The following RANBP9 variants were observed in gnomAD, a reference collection of about 807,000 sequenced individuals.
RANBP9 encodes the protein RAN binding protein 9.
In RANBP9, 15 loss-of-function variants were observed where a neutral mutation model predicts 84.3. The ratio of observed to expected loss-of-function variants is 0.18; its 90% confidence interval spans 0.12 to 0.27. The LOEUF (loss-of-function observed/expected upper bound fraction) is 0.27. Among genes scored for constraint, RANBP9 ranks in the 10% least tolerant of loss-of-function variants. The pLI is 1.00. For synonymous variants in RANBP9, 392 were observed against 349.6 expected (o/e 1.12, Z -1.35); for missense variants, 809 against 912.8 (o/e 0.89, Z 1.46).
At chr6:13,656,154 G>GA (rs1765395357) in intron 4 of RANBP9, among the ~76,000 whole-genome samples, 2 of 152,082 alleles carry the variant, frequency 1.3e-5, no homozygotes, top group South Asian at 4.1e-4. Flanking sequence ...TGAAATAACA[G>GA]AAAAAACAGC....
chr6:13,705,537 G>T (rs1183872979), intron 1 of RANBP9, among the ~76,000 whole-genome samples: 1 of 149,616 alleles, frequency 6.7e-6, no homozygotes, highest in Non-Finnish European at 1.5e-5. Flanking sequence ...CCAAAATCTT[G>T]GCAAGTAATT....
intron 5 of RANBP9, among the ~76,000 whole-genome samples, chr6:13,649,516 T>G (rs1765247846): frequency 6.7e-6 from 1 of 149,852 alleles, no homozygotes; most frequent in Admixed American, 6.6e-5. Context: ...CAAATGAAAC[T>G]TACAGCATTC....
intron 2 of RANBP9, among the ~76,000 whole-genome samples, chr6:13,673,399 C>T (rs947329153): frequency 7.2e-5 from 11 of 152,120 alleles, no homozygotes; most frequent in Admixed American, 1.3e-4. Context: ...AAATGTTACA[C>T]GTTCTTCAGA....
At chr6:13,665,180 C>G (rs1292457293) in intron 2 of RANBP9, among the ~76,000 whole-genome samples, 3 of 152,076 alleles carry the variant, frequency 2.0e-5, no homozygotes, top group Admixed American at 1.3e-4. Flanking sequence ...ACATGTAAAA[C>G]TATCTTAATG....
At chr6:13,682,395 TAAAAAAA>T (rs202214378) in intron 2 of RANBP9, among the ~76,000 whole-genome samples, 1 of 102,332 alleles carries the variant, frequency 9.8e-6, no homozygotes, top group Non-Finnish European at 2.1e-5. Flanking sequence ...GAAGCAAAAT[TAAAAAAA>T]AAAAAAAAAA....
chr6:13,639,470 G>A (rs759627991), intron 9 of RANBP9, 93 bp downstream of exon 9: 12 of 1,357,490 alleles, frequency 8.8e-6, no homozygotes, highest in Non-Finnish European at 1.2e-5. Context: ...GAGCCACCGT[G>A]CCCAGCTGGA....
At chr6:13,710,624 G>A (rs922712995) in intron 1 of RANBP9, among the ~76,000 whole-genome samples, 5 of 152,188 alleles carry the variant, frequency 3.3e-5, no homozygotes, top group East Asian at 1.9e-4. Context: ...ATCTCCCAGG[G>A]AAATCAGAAA....
At chr6:13,678,476 A>G (rs1031264117) in intron 2 of RANBP9, among the ~76,000 whole-genome samples, 1 of 152,182 alleles carries the variant, frequency 6.6e-6, no homozygotes, top group Non-Finnish European at 1.5e-5. Flanking sequence ...CCATATACAA[A>G]CCAACCAATC....
At chr6:13,703,916 T>C (rs149087616) in intron 1 of RANBP9, among the ~76,000 whole-genome samples, 2 of 152,342 alleles carry the variant, frequency 1.3e-5, no homozygotes, top group South Asian at 2.1e-4. Flanking sequence ...TCTCCAACTA[T>C]ACTGTAATAC....
intron 4 of RANBP9, among the ~76,000 whole-genome samples, chr6:13,655,036 G>A (rs1387976838): frequency 6.6e-6 from 1 of 152,234 alleles, no homozygotes; most frequent in Non-Finnish European, 1.5e-5. Context: ...ATTTACATAT[G>A]GTTACCTGGC....
At chr6:13,672,668 G>A (rs2113311254) in intron 2 of RANBP9, among the ~76,000 whole-genome samples, 1 of 152,140 alleles carries the variant, frequency 6.6e-6, no homozygotes, top group Admixed American at 6.5e-5. Flanking sequence ...CAAGGAAAAG[G>A]TCTGAAGAGA....
At chr6:13,635,839 G>A (rs1382375275) in intron 10 of RANBP9, among the ~76,000 whole-genome samples, 2 of 149,080 alleles carry the variant, frequency 1.3e-5, no homozygotes, top group African/African-American at 5.0e-5. Context: ...ACTCAGTTTA[G>A]TATTTGGAAG....
chr6:13,702,261 G>A (rs1757992817), intron 1 of RANBP9, among the ~76,000 whole-genome samples: 1 of 152,128 alleles, frequency 6.6e-6, no homozygotes. Flanking sequence ...TGGCCAACAT[G>A]GTGAAATCCC....
At chr6:13,680,200 T>C (rs756518001) in intron 2 of RANBP9, among the ~76,000 whole-genome samples, 11 of 152,094 alleles carry the variant, frequency 7.2e-5, no homozygotes, top group Non-Finnish European at 1.5e-4. Flanking sequence ...CATTCATAAT[T>C]AGAGTCCCTA....
At chr6:13,664,919 T>C (rs1441124117) in intron 2 of RANBP9, among the ~76,000 whole-genome samples, 2 of 152,116 alleles carry the variant, frequency 1.3e-5, no homozygotes, top group African/African-American at 2.4e-5. Flanking sequence ...GATCAACAAA[T>C]AGATCAATGC....
intron 13 of RANBP9, among the ~76,000 whole-genome samples, chr6:13,624,760 CT>C (rs1289795498): frequency 6.6e-6 from 1 of 152,182 alleles, no homozygotes; most frequent in African/African-American, 2.4e-5. Flanking sequence ...TAAGCCTCGC[CT>C]TTTAAATTGC....
chr6:13,672,451 TCAAAA>T (rs1344898272), intron 2 of RANBP9, among the ~76,000 whole-genome samples: 1 of 151,864 alleles, frequency 6.6e-6, no homozygotes, highest in African/African-American at 2.4e-5. Context: ...CTAAGGAAAC[TCAAAA>T]CAAGACAAAA....
At chr6:13,697,244 C>T (rs204222) in intron 1 of RANBP9, among the ~76,000 whole-genome samples, 82,990 of 152,106 alleles carry the variant, frequency 0.55, 23,637 homozygotes, top group African/African-American at 0.72. Flanking sequence ...AGAAAGATCT[C>T]AATTTTATCA....
At chr6:13,666,406 C>T (rs1011939537) in intron 2 of RANBP9, among the ~76,000 whole-genome samples, 1 of 151,654 alleles carries the variant, frequency 6.6e-6, no homozygotes, top group African/African-American at 2.4e-5. Context: ...GCACAGCATG[C>T]AAAAATGTCA....
Sources: allele counts gnomAD v4.1 joint callset (sites outside exome capture counted in the v4.1 genomes callset), GRCh38; gene constraint gnomAD v4.1.1; transcripts MANE v1.5; gene names NCBI Gene and HGNC (gene_info 2026-07-23, HGNC 2026-07-21).